The following ERC2 variants were observed in gnomAD, a reference collection of about 807,000 sequenced individuals.
ERC2 encodes ELKS/RAB6-interacting/CAST family member 2, also known as ERC protein 2.
Under a neutral mutation model 114.8 loss-of-function variants are expected in ERC2, and 42 were observed. That is an observed-to-expected ratio of 0.37 (90% CI 0.29 to 0.47). The LOEUF is 0.47. Ranked by LOEUF, ERC2 falls within the 20% of genes least tolerant of loss-of-function variation. The probability of loss-of-function intolerance (pLI) is 0.99; values close to 1 mark genes in which losing one functional copy is unlikely to be tolerated. For synonymous variants in ERC2, 454 were observed against 425.5 expected (o/e 1.07, Z -0.82); for missense variants, 939 against 1,150.7 (o/e 0.82, Z 2.66).
In ERC2 at chr3:56,435,062, G is replaced by A. The variant is rs140320280; in HGVS notation, c.-55C>T. 13 of 1,378,422 alleles carry A rather than the reference G, an allele frequency of 9.4e-6. No individual in the cohort carries two copies. Among genetic ancestry groups the A allele is most frequent in the Non-Finnish European group, 1.1e-5 (11 of 1,022,288 alleles). 85.4% of individuals were successfully genotyped at this position (1,378,422 alleles called of 1,614,324 possible). A position where few individuals can be genotyped will look rare whatever the true frequency, so the allele number is the denominator to read the frequency against. On this transcript the variant is annotated 5_prime_UTR_variant, in exon 2 of 18. Coordinates refer to ENST00000288221, the MANE Select transcript of ERC2 (RefSeq NM_015576.3). Reference sequence around the variant, plus strand: ...AGAAGAAATGCTATATTAAGTTGGGGTTTGAGCTAATATTTCCACGATTGT... The same window carrying A: ...AGAAGAAATGCTATATTAAGTTGGGATTTGAGCTAATATTTCCACGATTGT...
At chr3:56,343,190 T>TCACACACACACACACACA (rs1181595660) in intron 2 of ERC2, among the ~76,000 whole-genome samples, 6,401 of 109,546 alleles carry the variant, frequency 0.058, 183 homozygotes, top group Non-Finnish European at 0.084. Context: ...TCTCTCTCTC[T>TCACACACACACACACACA]CTCACACACA....
At chr3:55,714,440 C>A (rs1383958334) in intron 15 of ERC2, among the ~76,000 whole-genome samples, 2 of 151,710 alleles carry the variant, frequency 1.3e-5, no homozygotes, top group African/African-American at 2.4e-5. Context: ...TTTGGTTTAT[C>A]AAATCATTAA....
At chr3:55,917,926 G>A (rs956635316) in intron 13 of ERC2, among the ~76,000 whole-genome samples, 2 of 151,942 alleles carry the variant, frequency 1.3e-5, no homozygotes. Context: ...TGCTAATTGA[G>A]AGTTGCCTTG....
At chr3:55,674,905 C>T (rs552713337) in intron 17 of ERC2, among the ~76,000 whole-genome samples, 7 of 152,274 alleles carry the variant, frequency 4.6e-5, no homozygotes, top group African/African-American at 7.2e-5. Context: ...GAAGGGCACA[C>T]GGTGAGGTTG....
At chr3:56,074,076 T>G (rs1445577506) in intron 7 of ERC2, among the ~76,000 whole-genome samples, 3 of 152,178 alleles carry the variant, frequency 2.0e-5, no homozygotes, top group African/African-American at 7.2e-5. Flanking sequence ...GGTTCTTATA[T>G]ATCAACCTCA....
At chr3:55,986,116 G>T in intron 11 of ERC2, 128 bp from the exon 12 acceptor site, 1 of 895,958 alleles carries the variant, frequency 1.1e-6, no homozygotes, top group Non-Finnish European at 1.7e-6. Flanking sequence ...TATATCAGCA[G>T]GTTTATAACT....
At chr3:56,135,663 C>A (rs754459892) in intron 6 of ERC2, among the ~76,000 whole-genome samples, 2 of 152,200 alleles carry the variant, frequency 1.3e-5, no homozygotes, top group African/African-American at 4.8e-5. Context: ...GTCTTGTCCA[C>A]GCCACACAGT....
At chr3:56,267,214 G>A (rs865774258) in intron 3 of ERC2, among the ~76,000 whole-genome samples, 30 of 152,178 alleles carry the variant, frequency 2.0e-4, no homozygotes, top group South Asian at 4.2e-4. Flanking sequence ...GGAGCATTTC[G>A]AATTTCAGAT....
chr3:56,053,375 G>A (rs558438064), intron 7 of ERC2, among the ~76,000 whole-genome samples: 1 of 152,310 alleles, frequency 6.6e-6, no homozygotes, highest in South Asian at 2.1e-4. Flanking sequence ...ATGGGGAGAA[G>A]TGGGGAGGAA....
At chr3:56,383,379 G>A (rs77804667) in intron 2 of ERC2, among the ~76,000 whole-genome samples, 8,543 of 152,198 alleles carry the variant, frequency 0.056, 428 homozygotes, top group African/African-American at 0.13. Flanking sequence ...TCAGACTTCT[G>A]ATACTACTAA....
chr3:56,402,178 C>T (rs1249437472), intron 2 of ERC2, among the ~76,000 whole-genome samples: 1 of 152,182 alleles, frequency 6.6e-6, no homozygotes, highest in Non-Finnish European at 1.5e-5. Context: ...GGGGACAGAG[C>T]CAAACCATAT....
chr3:56,350,249 A>T (rs569131544), intron 2 of ERC2, among the ~76,000 whole-genome samples: 2 of 152,372 alleles, frequency 1.3e-5, no homozygotes, highest in East Asian at 3.9e-4. Context: ...TGTTTTGTTT[A>T]GCTTCAACAG....
intron 2 of ERC2, among the ~76,000 whole-genome samples, chr3:56,339,586 G>T (rs1165818229): frequency 1.3e-5 from 2 of 152,000 alleles, no homozygotes; most frequent in South Asian, 2.1e-4. Context: ...TTAATCAGGG[G>T]TCCAATTTCC....
At chr3:55,752,832 T>C (rs1294644149) in intron 14 of ERC2, among the ~76,000 whole-genome samples, 1 of 152,176 alleles carries the variant, frequency 6.6e-6, no homozygotes, top group Non-Finnish European at 1.5e-5. Flanking sequence ...TAAGTTGAGA[T>C]ACTCTTGACA....
At chr3:56,451,436 A>G (rs1182059468) in intron 1 of ERC2, among the ~76,000 whole-genome samples, 1 of 152,238 alleles carries the variant, frequency 6.6e-6, no homozygotes, top group Non-Finnish European at 1.5e-5. Flanking sequence ...TTATGGAGAC[A>G]AGCATTCATC....
intron 12 of ERC2, among the ~76,000 whole-genome samples, chr3:55,980,818 A>G (rs1028537390): frequency 1.1e-4 from 17 of 151,866 alleles, no homozygotes; most frequent in Non-Finnish European, 7.4e-5. Context: ...GTCATGACTT[A>G]TAAGGCCTAC....
intron 14 of ERC2, among the ~76,000 whole-genome samples, chr3:55,799,367 T>TATATATATATGCCTTATATATATATATGC (rs2070787887): frequency 2.9e-5 from 4 of 137,892 alleles, no homozygotes; most frequent in South Asian, 4.9e-4. Flanking sequence ...AATTCTTATA[T>TATATATATATGCCTTATATATATATATGC]ATATATATAT....
At chr3:56,291,794 C>A (rs557634185) in intron 3 of ERC2, among the ~76,000 whole-genome samples, 20 of 144,102 alleles carry the variant, frequency 1.4e-4, no homozygotes, top group African/African-American at 4.9e-4. Context: ...GGTATAATGA[C>A]AAAAGTGGTC....
chr3:55,702,581 C>T (rs1248139323), intron 15 of ERC2, among the ~76,000 whole-genome samples: 1 of 152,036 alleles, frequency 6.6e-6, no homozygotes, highest in Non-Finnish European at 1.5e-5. Context: ...TTCATCCCCA[C>T]CCAATTATAC....
Sources: allele counts gnomAD v4.1 joint callset (sites outside exome capture counted in the v4.1 genomes callset), GRCh38; gene constraint gnomAD v4.1.1; transcripts MANE v1.5; gene names NCBI Gene and HGNC (gene_info 2026-07-23, HGNC 2026-07-21).